CSMD1: variants seen among roughly 807,000 people sequenced by gnomAD.
CSMD1 encodes CUB and sushi domain-containing protein 1.
CSMD1 carries 213 observed loss-of-function variants against 417.5 expected under a neutral mutation model. The ratio of observed to expected loss-of-function variants is 0.51; its 90% CI spans 0.46 to 0.57. The LOEUF (loss-of-function observed/expected upper bound fraction) is 0.57. Among genes scored for constraint, CSMD1 ranks in the 20% least tolerant of loss-of-function variants. The pLI is 0.00. For missense variants in CSMD1, 6,923 were observed against 4,529.7 expected (o/e 1.53, Z -15.17); for synonymous variants, 2,862 against 1,736.8 (o/e 1.65, Z -16.11).
At chr8:3,156,485 A>T (rs1819540931) in intron 39 of CSMD1, among the ~76,000 whole-genome samples, 1 of 152,128 alleles carries the variant, frequency 6.6e-6, no homozygotes, top group Non-Finnish European at 1.5e-5. Context: ...AAAGAGCAAT[A>T]TCATTACAAC....
At chr8:3,854,220 CAT>C (rs1036635813) in intron 5 of CSMD1, among the ~76,000 whole-genome samples, 10 of 148,356 alleles carry the variant, frequency 6.7e-5, no homozygotes, top group Non-Finnish European at 8.9e-5. Flanking sequence ...ACACTTAAAA[CAT>C]GTGAAACTTT....
chr8:3,046,161 C>A (rs1223548757), intron 50 of CSMD1, among the ~76,000 whole-genome samples: 1 of 152,192 alleles, frequency 6.6e-6, no homozygotes, highest in Non-Finnish European at 1.5e-5. Context: ...GATTGCTATG[C>A]TCACAAAGTC....
intron 23 of CSMD1, 69 bp downstream of exon 23, chr8:3,343,225 T>C: frequency 2.2e-6 from 3 of 1,367,146 alleles, no homozygotes; most frequent in African/African-American, 1.5e-5. Flanking sequence ...TAAAACTTAA[T>C]ATAAGCCAAG....
At chr8:4,268,660 A>G (rs1332714428) in intron 3 of CSMD1, among the ~76,000 whole-genome samples, 1 of 152,194 alleles carries the variant, frequency 6.6e-6, no homozygotes, top group Non-Finnish European at 1.5e-5. Context: ...TGTAAATTCC[A>G]AGTACATACA....
At chr8:4,523,538 C>T (rs1803597720) in intron 2 of CSMD1, among the ~76,000 whole-genome samples, 1 of 152,126 alleles carries the variant, frequency 6.6e-6, no homozygotes, top group Admixed American at 6.6e-5. Flanking sequence ...CACACACACA[C>T]TCACACACAT....
chr8:3,732,298 G>T (rs939047750), intron 6 of CSMD1, among the ~76,000 whole-genome samples: 1 of 152,108 alleles, frequency 6.6e-6, no homozygotes, highest in Non-Finnish European at 1.5e-5. Context: ...AAATCTTTCC[G>T]CTAAAAATAA....
At chr8:4,002,938 C>A (rs2554670) in intron 4 of CSMD1, among the ~76,000 whole-genome samples, 4 of 152,078 alleles carry the variant, frequency 2.6e-5, no homozygotes, top group Non-Finnish European at 4.4e-5. Context: ...TAAACAGAAA[C>A]TGTGAATGTT....
At chr8:4,159,476 C>T (rs1187240484) in intron 3 of CSMD1, among the ~76,000 whole-genome samples, 1 of 152,062 alleles carries the variant, frequency 6.6e-6, no homozygotes, top group Admixed American at 6.5e-5. Flanking sequence ...AAAATGTATC[C>T]ATCAATCAAC....
At chr8:4,461,520 T>C (rs1033083516) in intron 2 of CSMD1, among the ~76,000 whole-genome samples, 5 of 140,234 alleles carry the variant, frequency 3.6e-5, no homozygotes, top group South Asian at 2.2e-4. Context: ...GAGTAGAAGA[T>C]GAATATGCAA....
chr8:4,003,902 G>A (rs1483211285), intron 4 of CSMD1, among the ~76,000 whole-genome samples: 1 of 151,518 alleles, frequency 6.6e-6, no homozygotes, highest in East Asian at 1.9e-4. Context: ...CTCTTTCACA[G>A]CTACCAAAAG....
At chr8:3,668,091 CT>C (rs1798796772) in intron 7 of CSMD1, among the ~76,000 whole-genome samples, 2 of 152,278 alleles carry the variant, frequency 1.3e-5, no homozygotes, top group African/African-American at 4.8e-5. Context: ...CATTCTACCC[CT>C]GGGCTAGAAG....
At chr8:4,137,968 C>G (rs1359274447) in intron 3 of CSMD1, among the ~76,000 whole-genome samples, 2 of 150,646 alleles carry the variant, frequency 1.3e-5, no homozygotes, top group Non-Finnish European at 3.0e-5. Context: ...ACCTCCATCT[C>G]CTCGGTTCAC....
chr8:4,836,982 T>G (rs1800532832), intron 1 of CSMD1, among the ~76,000 whole-genome samples: 1 of 151,914 alleles, frequency 6.6e-6, no homozygotes, highest in African/African-American at 2.4e-5. Flanking sequence ...GGCCTTTTTT[T>G]GTTGTTAAGA....
intron 5 of CSMD1, among the ~76,000 whole-genome samples, chr8:3,976,899 G>C (rs907072828): frequency 6.6e-6 from 1 of 152,102 alleles, no homozygotes. Context: ...GAATTTGTTT[G>C]CAAATGACTT....
At chr8:4,643,971 G>C (rs182121869) in intron 1 of CSMD1, among the ~76,000 whole-genome samples, 21 of 152,270 alleles carry the variant, frequency 1.4e-4, no homozygotes, top group African/African-American at 4.8e-4. Flanking sequence ...CAGCGCCCTA[G>C]GGTACTTGGT....
At chr8:4,862,308 A>C (rs1802184547) in intron 1 of CSMD1, among the ~76,000 whole-genome samples, 2 of 152,098 alleles carry the variant, frequency 1.3e-5, no homozygotes, top group African/African-American at 4.8e-5. Context: ...CCATCATCAG[A>C]ACCTTATGAA....
At chr8:4,544,636 T>G (rs1254984386) in intron 2 of CSMD1, among the ~76,000 whole-genome samples, 1 of 152,172 alleles carries the variant, frequency 6.6e-6, no homozygotes, top group African/African-American at 2.4e-5. Context: ...ACAATTTAAC[T>G]ATAGTTGGTA....
chr8:4,140,327 T>A (rs1803708515), intron 3 of CSMD1, among the ~76,000 whole-genome samples: 1 of 150,870 alleles, frequency 6.6e-6, no homozygotes, highest in African/African-American at 2.5e-5. Flanking sequence ...TGAAATCCCA[T>A]CTCTACTAAA....
At chr8:4,844,181 C>T in intron 1 of CSMD1, among the ~76,000 whole-genome samples, 1 of 152,062 alleles carries the variant, frequency 6.6e-6, no homozygotes, top group Non-Finnish European at 1.5e-5. Flanking sequence ...CTACACGTAG[C>T]ACTGGAAAAA....
Sources: allele counts gnomAD v4.1 joint callset (sites outside exome capture counted in the v4.1 genomes callset), GRCh38; gene constraint gnomAD v4.1.1; transcripts MANE v1.5; gene names NCBI Gene and HGNC (gene_info 2026-07-23, HGNC 2026-07-21).